LAIR1: variants seen among roughly 807,000 people sequenced by gnomAD.
The protein encoded by LAIR1 is leukocyte associated immunoglobulin like receptor 1, also known as leukocyte-associated immunoglobulin-like receptor 1.
LAIR1 carries 24 observed loss-of-function variants against 32.8 expected under a neutral mutation model. The observed-to-expected ratio is 0.73, with a 90% confidence interval of 0.53 to 1.03. The LOEUF is 1.03. Among genes scored for constraint, LAIR1 ranks in the 50% least tolerant of loss-of-function variants. The pLI is 0.00. For missense variants in LAIR1, 355 were observed against 347.5 expected (o/e 1.02, Z -0.17); for synonymous variants, 150 against 140.5 (o/e 1.07, Z -0.48).
rs150392517 is a variant in LAIR1, at chr19:54,360,478, C to T, written c.365-406G>A. ...GGTCAGGGGCCATCCCTGGACCCTG[C>T]GTTCTGCCCAGTGGGAGATGAACCA... On this transcript the variant is annotated intron_variant, in intron 3 of 9. Transcript: ENST00000391742. Among the ~76,000 whole-genome samples the T allele has an allele frequency of 3.8e-3, 584 of 152,054 alleles. 4 individuals carry two copies. The highest frequency in any genetic ancestry group is 0.013 in the African/African-American group (537 of 41,460).
chr19:54,373,762 T>G (rs990781265), upstream of LAIR1, among the ~76,000 whole-genome samples: 1 of 152,210 alleles, frequency 6.6e-6, no homozygotes, highest in Non-Finnish European at 1.5e-5. Flanking sequence ...TTTTCACTCA[T>G]GTAAATGACC....
In LAIR1 at chr19:54,364,275, G is replaced by T; in HGVS notation, c.70+20C>A. On this transcript the variant is annotated intron_variant, in intron 2 of 9. Coordinates refer to ENST00000391742, the MANE Select transcript of LAIR1 (RefSeq NM_002287.6). This position sits in a 1 kb window ranked among gnomAD's most constrained non-coding sequence, Gnocchi z 4.8. ...GGGTGACAGAGGGGACTGGGAAGATGGGACGAAGGCATGACTTACCCTCCT... is the reference window on the plus strand; with the variant it reads ...GGGTGACAGAGGGGACTGGGAAGATTGGACGAAGGCATGACTTACCCTCCT... 2 of 1,608,310 alleles carry T rather than the reference G, an allele frequency of 1.2e-6. No individual in the cohort carries two copies. Among genetic ancestry groups the T allele is most frequent in the Middle Eastern group, 1.7e-4 (1 of 5,846 alleles).
Position 54,354,975 on chromosome 19 carries a change from G to A in LAIR1, c.*293C>T. The A allele has an allele frequency of 2.9e-6, 1 of 341,584 alleles. No homozygotes were observed. The highest frequency in any genetic ancestry group is 5.3e-6 in the Non-Finnish European group (1 of 189,708). 21.2% of individuals were successfully genotyped at this position (341,584 alleles called of 1,614,324 possible). A position where few individuals can be genotyped will look rare whatever the true frequency, so the allele number is the denominator to read the frequency against. ...TAGCTGGGTCTCTGGAAACAGTCAG[G>A]TGAATAAAGCTGGGTCTCTAGAAAC... On this transcript the variant is annotated 3_prime_UTR_variant, in exon 10 of 10. Transcript: ENST00000391742.
At position 54,369,953 on chromosome 19, in the gene LAIR1, T is replaced by A. The variant is rs370687920; in HGVS notation, c.16+309A>T. On this transcript the variant is annotated intron_variant, in intron 1 of 8. Coordinates refer to the LAIR1 transcript ENST00000391743. ...CGTGGACAGACTGGGGAACTCAAGC[T>A]AAACCCCGGTCCTCACAGTTCAGCA... is the stretch of plus-strand genomic sequence containing the variant. Among the ~76,000 whole-genome samples, 194 of 146,262 alleles carry A rather than the reference T, an allele frequency of 1.3e-3. 5 individuals are homozygous for A. Among genetic ancestry groups the A allele is most frequent in the South Asian group, 3.3e-3 (15 of 4,586 alleles).
upstream of LAIR1, among the ~76,000 whole-genome samples, chr19:54,365,315 C>G (rs370896767): frequency 3.4e-5 from 5 of 148,486 alleles, no homozygotes; most frequent in African/African-American, 1.2e-4. Context: ...TAAAAATATC[C>G]TACAAAGCAT....
chr19:54,361,287 A>G (rs2082011508), intron 2 of LAIR1, 78 bp from the exon 3 acceptor site: 1 of 1,497,496 alleles, frequency 6.7e-7, no homozygotes, highest in African/African-American at 1.4e-5. Flanking sequence ...TAGCATCACA[A>G]TTCAGGGATT....
In LAIR1 at chr19:54,356,976, A is replaced by G; in HGVS notation, c.416-10T>C. 6.2e-7 allele frequency: 1 copy of G among 1,613,318 alleles called. No homozygotes were observed. Among genetic ancestry groups the G allele is most frequent in the Non-Finnish European group, 8.5e-7 (1 of 1,179,592 alleles). The stretch of plus-strand genomic sequence containing the variant: ...GGCCTCTGCGTGGGTCCTGGGAGGG[A>G]GGAATCAGAAGGAGGAGGAGTTAGA... On this transcript the variant is annotated splice_polypyrimidine_tract_variant and intron_variant, in intron 4 of 9. Coordinates refer to ENST00000391742, the MANE Select transcript of LAIR1 (RefSeq NM_002287.6).
intron 8 of LAIR1, 112 bp from the exon 9 acceptor site, chr19:54,356,118 A>C: frequency 7.5e-7 from 1 of 1,328,134 alleles, no homozygotes; most frequent in Non-Finnish European, 1.1e-6. Context: ...GTATAATACG[A>C]CCTTCTAGAA....
upstream of LAIR1, among the ~76,000 whole-genome samples, chr19:54,367,513 G>A (rs1235553698): frequency 2.6e-5 from 4 of 151,996 alleles, no homozygotes; most frequent in Non-Finnish European, 4.4e-5. Context: ...TTGGGAGGCC[G>A]AGGTGGGCAG....
upstream of LAIR1, among the ~76,000 whole-genome samples, chr19:54,365,567 G>A (rs2122596511): frequency 6.6e-6 from 1 of 152,244 alleles, no homozygotes; most frequent in Non-Finnish European, 1.5e-5. Context: ...GGGGTGGGTG[G>A]ATCACCTGAG....
At chr19:54,372,960 A>T (rs2082440938), upstream of LAIR1, among the ~76,000 whole-genome samples, 1 of 151,104 alleles carries the variant, frequency 6.6e-6, no homozygotes, top group Non-Finnish European at 1.5e-5. Context: ...GTGAAACCCC[A>T]TCTCTACTAA....
upstream of LAIR1, among the ~76,000 whole-genome samples, chr19:54,372,714 TCCTGACC>T (rs144252398): frequency 0.021 from 3,127 of 150,830 alleles, 265 homozygotes; most frequent in African/African-American, 0.073. Flanking sequence ...GGTCTCGGAC[TCCTGACC>T]TCGTGATCTG....
rs1296323648 is a variant in LAIR1, at chr19:54,354,296, T to C, written c.*972A>G. 1.3e-5 allele frequency: 2 copies of C among 152,248 alleles called. No homozygotes were observed. The highest frequency in any genetic ancestry group is 2.9e-5 in the Non-Finnish European group (2 of 68,064). 9.4% of individuals were successfully genotyped at this position (152,248 alleles called of 1,614,324 possible). On this transcript the variant is annotated 3_prime_UTR_variant, in exon 10 of 10. Coordinates refer to ENST00000391742, the MANE Select transcript of LAIR1 (RefSeq NM_002287.6). The stretch of plus-strand genomic sequence containing the variant: ...ATTCCTGTGCATGTATGTGCAGATG[T>C]GGACCTGTAGGGTCGGCTCTCTGCC...
intron 4 of LAIR1, among the ~76,000 whole-genome samples, chr19:54,358,805 G>C (rs1401664344): frequency 6.6e-6 from 1 of 151,310 alleles, no homozygotes; most frequent in Non-Finnish European, 1.5e-5. Flanking sequence ...AGGAGGTTTG[G>C]GTGAGTCACC....
At chr19:54,373,422 T>C (rs571545838), upstream of LAIR1, among the ~76,000 whole-genome samples, 1,873 of 151,056 alleles carry the variant, frequency 0.012, 22 homozygotes, top group Non-Finnish European at 0.019. Context: ...CCAGCCAGGG[T>C]GACAGAGCGA....
intron 4 of LAIR1, among the ~76,000 whole-genome samples, chr19:54,357,853 C>G (rs917216367): frequency 9.9e-5 from 15 of 151,398 alleles, no homozygotes; most frequent in Non-Finnish European, 1.5e-5. Context: ...GGTCTAAGGT[C>G]CAGGACACCA....
chr19:54,355,382 C>A lies in LAIR1; in HGVS notation c.750G>T (p.Thr250=), dbSNP rs749650618. The change falls in exon 10 of 10, where the codon ACG becomes ACT. Residue 250 remains threonine, a synonymous_variant. Transcript: ENST00000391742. This position sits in a 1 kb window ranked among gnomAD's most constrained non-coding sequence, Gnocchi z 4.7. ...ALAAGSSQEV[T]YAQLDHWALT... ...GGGCCCAGTGGTCCAGCTGAGCATACGTCACCTCCTGGGAACTCCCTGCAG... is the reference window on the plus strand; with the variant it reads ...GGGCCCAGTGGTCCAGCTGAGCATAAGTCACCTCCTGGGAACTCCCTGCAG... The A allele has an allele frequency of 1.9e-6, 3 of 1,611,332 alleles. No individual in the cohort carries two copies. In the African/African-American group the frequency reaches 4.0e-5, roughly 22 times the overall value.
chr19:54,356,547 A>G lies in LAIR1; in HGVS notation c.527T>C (p.Phe176Ser), dbSNP rs1327542871. 1.2e-6 allele frequency: 2 copies of G among 1,614,024 alleles called. No homozygotes were observed. Among genetic ancestry groups the G allele is most frequent in the Non-Finnish European group, 8.5e-7 (1 of 1,179,974 alleles). ...ILIGVSVVFLFCLLLLVLFCL... is the reference protein window; with the variant it reads ...ILIGVSVVFLSCLLLLVLFCL... ...GAAGAGGACCAGGAGGAGGAGACAG[A>G]AGAGGAAGACCACTGAGACCCCGAT... Residue 176 changes from phenylalanine to serine, a missense_variant, in exon 6 of 10, where the codon TTC (phenylalanine) becomes TCC (serine). Coordinates refer to ENST00000391742, the MANE Select transcript of LAIR1 (RefSeq NM_002287.6).
Position 54,360,958 on chromosome 19 carries a change from T to A in LAIR1, c.322A>T (p.Lys108Ter), listed in dbSNP as rs772054250. The change falls in exon 3 of 10, where the codon AAA (lysine) becomes TAA (stop). Residue 108 changes from lysine (K) to a stop codon, truncating the protein, a stop_gained. Coordinates refer to ENST00000391742, the MANE Select transcript of LAIR1 (RefSeq NM_002287.6). LOFTEE classifies it high-confidence loss of function. Reference protein sequence around the residue: ...LYRCIYYKPPKWSEQSDYLEL... With the variant: ...LYRCIYYKPP The stretch of plus-strand genomic sequence containing the variant: ...AGGTAGTCACTCTGCTCAGACCATT[T>A]AGGGGGCTTATAATAGATGCAGCGA... 2 of 1,613,684 alleles carry A rather than the reference T, an allele frequency of 1.2e-6. No individual in the cohort carries two copies. Among genetic ancestry groups the A allele is most frequent in the African/African-American group, 2.7e-5 (2 of 74,648 alleles).
Sources: gnomAD v4.1 joint callset for allele counts (sites outside exome capture counted in the v4.1 genomes callset) on GRCh38, gnomAD v4.1.1 for gene constraint, Gnocchi (gnomAD v3.1) non-coding constraint, MANE v1.5 for transcripts, NCBI Gene and HGNC (gene_info 2026-07-23, HGNC 2026-07-21) for gene names.